The following FAM83E variants were observed in gnomAD, a reference collection of about 807,000 sequenced individuals.
FAM83E encodes the protein protein FAM83E.
Under a neutral mutation model 34.3 loss-of-function variants are expected in FAM83E, and 29 were observed. The ratio of observed to expected loss-of-function variants is 0.85; its 90% CI spans 0.63 to 1.15. FAM83E has a LOEUF of 1.15. Among genes scored for constraint, FAM83E ranks in the 50% most tolerant of loss-of-function variants. The pLI is 0.00. For synonymous variants in FAM83E, 312 were observed against 311.6 expected, an observed-to-expected ratio of 1.00 and a Z score of -0.01; for missense variants, 697 against 685.0, an observed-to-expected ratio of 1.02 and a Z score of -0.20.
chr19:48,613,013 A>G lies in FAM83E; in HGVS notation c.360T>C (p.Ser120=). The G allele has an allele frequency of 1.2e-6, 2 of 1,604,834 alleles. No individual in the cohort carries two copies. Among genetic ancestry groups the G allele is most frequent in the Non-Finnish European group, 1.7e-6 (2 of 1,176,754 alleles). ...PVLRLGWPVD[S]AWKGITRAQL... ...GCGCCCGGGTGATGCCTTTCCACGC[A>G]GAGTCCACTGGCCAGCCCAGCCGCA... Residue 120 remains serine (S), a synonymous_variant, in exon 3 of 7, where the codon TCT becomes TCC. Coordinates refer to ENST00000263266, the MANE Select transcript of FAM83E (RefSeq NM_017708.4).
chr19:48,614,043 G>C lies in FAM83E; in HGVS notation c.-671C>G, dbSNP rs148845635. 2 of 985,646 alleles carry C rather than the reference G, an allele frequency of 2.0e-6. No homozygotes were observed. Among genetic ancestry groups the C allele is most frequent in the African/African-American group, 1.7e-5 (1 of 57,344 alleles). 61.1% of individuals were successfully genotyped at this position (985,646 alleles called of 1,614,324 possible). Reference sequence around the variant, plus strand: ...TCTGGCCAAATCTGACAGCCCCCACGAGTTTCTCCTGCTCATCAGCTCTCA... The same window carrying C: ...TCTGGCCAAATCTGACAGCCCCCACCAGTTTCTCCTGCTCATCAGCTCTCA... On this transcript the variant is annotated 5_prime_UTR_variant, in exon 3 of 7. Coordinates refer to ENST00000263266, the MANE Select transcript of FAM83E (RefSeq NM_017708.4).
At chr19:48,609,842 C>A (rs765799104) in intron 5 of FAM83E, 34 bp downstream of exon 5, 32 of 1,606,382 alleles carry the variant, frequency 2.0e-5, no homozygotes, top group Non-Finnish European at 2.6e-5. Context: ...GGGTATAGGA[C>A]GCCGGGAGGT....
Position 48,614,477 on chromosome 19 carries a change from T to A in FAM83E, c.-1105A>T. On this transcript the variant is annotated 5_prime_UTR_variant, in exon 3 of 7. Transcript: ENST00000263266. ...TCCCGGACAGGGGCCAGTCTCTATCTCGCCCTGTCTCCCTCCCAAGCCTCA... is the reference window on the plus strand; with the variant it reads ...TCCCGGACAGGGGCCAGTCTCTATCACGCCCTGTCTCCCTCCCAAGCCTCA... The A allele has an allele frequency of 1.0e-6, 1 of 985,450 alleles. No homozygotes were observed. The highest frequency in any genetic ancestry group is 1.2e-6 in the Non-Finnish European group (1 of 830,036). 61.0% of individuals were successfully genotyped at this position (985,450 alleles called of 1,614,324 possible). A position where few individuals can be genotyped will look rare whatever the true frequency, so the allele number is the denominator to read the frequency against.
chr19:48,612,615 G>T (rs976381701), intron 3 of FAM83E, among the ~76,000 whole-genome samples: 1 of 152,042 alleles, frequency 6.6e-6, no homozygotes, highest in African/African-American at 2.4e-5. Context: ...TGTTGGCCAG[G>T]CTGGTCTCAA....
At chr19:48,612,847 G>C in intron 3 of FAM83E, 61 bp downstream of exon 3, 1 of 1,467,058 alleles carries the variant, frequency 6.8e-7, no homozygotes, top group African/African-American at 1.4e-5. Context: ...GGACAAGGGA[G>C]AGAATGCCTG....
At chr19:48,608,563 G>A (rs909617733) in intron 5 of FAM83E, among the ~76,000 whole-genome samples, 1 of 150,314 alleles carries the variant, frequency 6.7e-6, no homozygotes, top group African/African-American at 2.5e-5. Flanking sequence ...TCCTGCCTCA[G>A]CCTCCCGAGT....
chr19:48,607,431 A>C, intron 5 of FAM83E: 1 of 1,480,452 alleles, frequency 6.8e-7, no homozygotes, highest in Non-Finnish European at 9.0e-7. Context: ...CCCCCACTAA[A>C]TGGCCAGAGA....
intron 5 of FAM83E, chr19:48,607,037 T>C: frequency 2.5e-6 from 4 of 1,612,250 alleles, no homozygotes; most frequent in Non-Finnish European, 3.4e-6. Context: ...ACGACGGGCG[T>C]CAAGGACTGC....
At chr19:48,607,234 C>T (rs770964592) in intron 5 of FAM83E, 1 of 1,612,342 alleles carries the variant, frequency 6.2e-7, no homozygotes, top group South Asian at 1.1e-5. Flanking sequence ...CACCTACAGC[C>T]TCACCACCAA....
At chr19:48,602,935 G>A (rs963314079) in intron 6 of FAM83E, among the ~76,000 whole-genome samples, 3 of 148,666 alleles carry the variant, frequency 2.0e-5, no homozygotes, top group Admixed American at 6.8e-5. Flanking sequence ...CACTGCAACC[G>A]CCGCCTCCCT....
chr19:48,602,686 C>CAAAAAAAA (rs746923737), intron 6 of FAM83E, among the ~76,000 whole-genome samples: 3 of 5,014 alleles, frequency 6.0e-4, no homozygotes, highest in African/African-American at 2.8e-3. Context: ...GACCCTATCT[C>CAAAAAAAA]AAAAAAAAAA....
intron 5 of FAM83E, 128 bp downstream of exon 5, chr19:48,609,748 G>A: frequency 9.3e-7 from 1 of 1,074,774 alleles, no homozygotes; most frequent in Non-Finnish European, 1.4e-6. Flanking sequence ...AGGGAAGAGT[G>A]TTTTGCCCCC....
At chr19:48,606,661 A>C in intron 5 of FAM83E, 1 of 337,182 alleles carries the variant, frequency 3.0e-6, no homozygotes. Context: ...CACCCCTTGG[A>C]TTGTGACACC....
chr19:48,612,864 C>T (rs563690272), intron 3 of FAM83E, 44 bp downstream of exon 3: 61 of 1,482,082 alleles, frequency 4.1e-5, no homozygotes, highest in Admixed American at 2.5e-4. Flanking sequence ...CCTGGGTCCC[C>T]GTCCCAGTCT....
At chr19:48,604,285 T>C (rs1442491804) in intron 5 of FAM83E, among the ~76,000 whole-genome samples, 2 of 150,144 alleles carry the variant, frequency 1.3e-5, no homozygotes, top group Non-Finnish European at 3.0e-5. Flanking sequence ...TCCCAGCCAC[T>C]TGGGAGACTG....
chr19:48,608,037 T>C (rs1973967745), intron 5 of FAM83E, among the ~76,000 whole-genome samples: 1 of 152,210 alleles, frequency 6.6e-6, no homozygotes, highest in South Asian at 2.1e-4. Flanking sequence ...AGTGGGAACT[T>C]CCTGAAAATG....
intron 5 of FAM83E, among the ~76,000 whole-genome samples, chr19:48,604,882 T>C (rs189735453): frequency 7.2e-4 from 109 of 151,724 alleles, no homozygotes; most frequent in Non-Finnish European, 1.3e-3. Context: ...TAGCTGGGTA[T>C]GGTGGCACAT....
In FAM83E at chr19:48,601,248, AGGGGCAGGGCACCGCCCCACGGAGGTC is replaced by A. The variant is rs758535816; in HGVS notation, c.1271_1297del (p.Arg424_Pro432del). The stretch of plus-strand genomic sequence containing the variant: ...ATAGCGGAGGCGGTGGGCGGGGGGC[AGGGGCAGGGCACCGCCCCACGGAGGTC>A]GGGAGTCCACTTCCCCCCAGGGGCC... On this transcript the variant is annotated inframe_deletion, in exon 7 of 7. Transcript: ENST00000263266. The A allele has an allele frequency of 6.2e-6, 10 of 1,603,976 alleles. No homozygotes were observed. The South Asian group carries it at 1.1e-4, about 18-fold the overall frequency.
chr19:48,601,636 G>A (rs1358915977), intron 6 of FAM83E, among the ~76,000 whole-genome samples: 1 of 151,934 alleles, frequency 6.6e-6, no homozygotes, highest in Non-Finnish European at 1.5e-5. Context: ...GTGGTGGTGG[G>A]CGCCTGTAAT....
Sources: allele counts gnomAD v4.1 joint callset (sites outside exome capture counted in the v4.1 genomes callset), GRCh38; gene constraint gnomAD v4.1.1; transcripts MANE v1.5; gene names NCBI Gene and HGNC (gene_info 2026-07-23, HGNC 2026-07-21).